Variants in PTPRD observed in about 807,000 individuals in gnomAD.
PTPRD encodes the protein receptor-type tyrosine-protein phosphatase delta.
PTPRD carries 34 observed loss-of-function variants against 214.5 expected under a neutral mutation model. The observed-to-expected ratio is 0.16, with a 90% confidence interval of 0.12 to 0.21. The LOEUF is 0.21. PTPRD is among the 10% of genes least tolerant of loss of function. PTPRD has a pLI of 1.00. For missense variants in PTPRD, 2,545 were observed against 2,398.7 expected, an observed-to-expected ratio of 1.06 and a Z score of -1.27; for synonymous variants, 1,128 against 845.7, an observed-to-expected ratio of 1.33 and a Z score of -5.79.
At chr9:9,232,110 T>C (rs952204800) in intron 9 of PTPRD, among the ~76,000 whole-genome samples, 1 of 152,196 alleles carries the variant, frequency 6.6e-6, no homozygotes, top group African/African-American at 2.4e-5. Flanking sequence ...AAAGTTGCTG[T>C]GTAGAATAAA....
At chr9:8,690,595 C>T (rs774501838) in intron 12 of PTPRD, among the ~76,000 whole-genome samples, 12 of 151,282 alleles carry the variant, frequency 7.9e-5, no homozygotes, top group Non-Finnish European at 1.6e-4. Context: ...TAATTTTATT[C>T]AAGAGAACAC....
chr9:10,438,538 C>A (rs1467609204), intron 2 of PTPRD, among the ~76,000 whole-genome samples: 1 of 151,576 alleles, frequency 6.6e-6, no homozygotes, highest in African/African-American at 2.4e-5. Flanking sequence ...TTTGTTTCCG[C>A]CACTCCCAAG....
chr9:10,526,824 G>T (rs546551538), intron 2 of PTPRD, among the ~76,000 whole-genome samples: 1 of 152,174 alleles, frequency 6.6e-6, no homozygotes, highest in Non-Finnish European at 1.5e-5. Flanking sequence ...TGAGAGAATT[G>T]CCAAGCAAAC....
intron 3 of PTPRD, among the ~76,000 whole-genome samples, chr9:10,143,488 G>T (rs1476701303): frequency 6.6e-6 from 1 of 152,014 alleles, no homozygotes; most frequent in East Asian, 1.9e-4. Flanking sequence ...AACCACCATG[G>T]AGAGCAGTCT....
At chr9:9,427,052 C>A (rs568147793) in intron 8 of PTPRD, among the ~76,000 whole-genome samples, 4 of 152,144 alleles carry the variant, frequency 2.6e-5, no homozygotes, top group Non-Finnish European at 5.9e-5. Flanking sequence ...CAAAGCTGAA[C>A]GGAGAATGAC....
At chr9:8,538,316 T>C (rs1006567341) in intron 14 of PTPRD, among the ~76,000 whole-genome samples, 4 of 151,890 alleles carry the variant, frequency 2.6e-5, no homozygotes, top group South Asian at 2.1e-4. Flanking sequence ...TTTTTTATTC[T>C]TGTTTTTTAG....
intron 5 of PTPRD, among the ~76,000 whole-genome samples, chr9:9,847,191 T>A (rs1221050111): frequency 3.3e-5 from 5 of 152,258 alleles, no homozygotes; most frequent in Admixed American, 2.6e-4. Context: ...TCTTTGTCCC[T>A]GTACATGATT....
intron 3 of PTPRD, among the ~76,000 whole-genome samples, chr9:10,127,649 G>A (rs1225947861): frequency 6.6e-6 from 1 of 152,002 alleles, no homozygotes; most frequent in Admixed American, 6.6e-5. Context: ...CTACCATCCT[G>A]TTATTATTCA....
At chr9:8,335,411 A>T (rs1442391366) in intron 43 of PTPRD, among the ~76,000 whole-genome samples, 1 of 152,208 alleles carries the variant, frequency 6.6e-6, no homozygotes, top group Non-Finnish European at 1.5e-5. Flanking sequence ...ATCTCAATAG[A>T]TGCAGAAAAG....
At chr9:9,842,054 C>A (rs1022930990) in intron 5 of PTPRD, among the ~76,000 whole-genome samples, 1 of 151,768 alleles carries the variant, frequency 6.6e-6, no homozygotes, top group African/African-American at 2.4e-5. Context: ...CTTATTTTTT[C>A]TGCTGAAATA....
intron 7 of PTPRD, among the ~76,000 whole-genome samples, chr9:9,611,340 T>C (rs1481446093): frequency 6.6e-6 from 1 of 151,524 alleles, no homozygotes; most frequent in African/African-American, 2.5e-5. Context: ...CCACCAGCAG[T>C]GAATGAAGAG....
chr9:10,544,095 TA>T (rs2059708176), intron 2 of PTPRD, among the ~76,000 whole-genome samples: 1 of 152,206 alleles, frequency 6.6e-6, no homozygotes, highest in Non-Finnish European at 1.5e-5. Context: ...CTATAGTTTA[TA>T]AGGAACAATA....
chr9:9,344,236 C>A (rs948704562), intron 9 of PTPRD, among the ~76,000 whole-genome samples: 1 of 152,042 alleles, frequency 6.6e-6, no homozygotes, highest in African/African-American at 2.4e-5. Context: ...AACAGAAACC[C>A]AAACACCACA....
At chr9:9,964,792 T>C (rs1460415194) in intron 4 of PTPRD, among the ~76,000 whole-genome samples, 1 of 152,180 alleles carries the variant, frequency 6.6e-6, no homozygotes, top group Admixed American at 6.5e-5. Flanking sequence ...AACAATGTAA[T>C]AAACTAAGGC....
intron 25 of PTPRD, among the ~76,000 whole-genome samples, chr9:8,499,105 G>T (rs1026664474): frequency 2.0e-5 from 3 of 151,922 alleles, no homozygotes; most frequent in East Asian, 1.9e-4. Flanking sequence ...TAATATCATT[G>T]TAACGATCTT....
chr9:9,942,113 C>T (rs2091612235), intron 4 of PTPRD, among the ~76,000 whole-genome samples: 1 of 152,112 alleles, frequency 6.6e-6, no homozygotes, highest in Non-Finnish European at 1.5e-5. Context: ...TCACACTTGC[C>T]TCCATGCTTC....
At chr9:8,681,236 T>C (rs770854022) in intron 12 of PTPRD, among the ~76,000 whole-genome samples, 51 of 152,210 alleles carry the variant, frequency 3.4e-4, no homozygotes, top group Non-Finnish European at 6.3e-4. Flanking sequence ...AAATCAGTTT[T>C]TAGTTAATGG....
chr9:8,863,298 G>A (rs1056942495), intron 11 of PTPRD, among the ~76,000 whole-genome samples: 3 of 152,134 alleles, frequency 2.0e-5, no homozygotes, highest in African/African-American at 4.8e-5. Context: ...GTGACAAATG[G>A]ATATTCCCAT....
intron 8 of PTPRD, among the ~76,000 whole-genome samples, chr9:9,399,827 T>G (rs977102256): frequency 1.3e-5 from 2 of 152,034 alleles, no homozygotes; most frequent in African/African-American, 4.8e-5. Context: ...GAACTGTGAA[T>G]GAATCAATTA....
Sources: gnomAD v4.1 joint callset for allele counts (sites outside exome capture counted in the v4.1 genomes callset) on GRCh38, gnomAD v4.1.1 for gene constraint, MANE v1.5 for transcripts, NCBI Gene and HGNC (gene_info 2026-07-23, HGNC 2026-07-21) for gene names.